The following XYLT1 variants were observed in gnomAD, a reference collection of about 807,000 sequenced individuals.
XYLT1 encodes beta-D-xylosyltransferase 1.
Under a neutral mutation model 91.3 loss-of-function variants are expected in XYLT1, and 36 were observed. That is an observed-to-expected ratio of 0.39 (90% CI 0.30 to 0.52). XYLT1 has a LOEUF of 0.52. XYLT1 is among the 20% of genes least tolerant of loss of function. The probability of loss-of-function intolerance (pLI) is 0.68; values close to 1 mark genes in which losing one functional copy is unlikely to be tolerated. For synonymous variants in XYLT1, 588 were observed against 532.0 expected, an observed-to-expected ratio of 1.11 and a Z score of -1.45; for missense variants, 1,242 against 1,284.5, an observed-to-expected ratio of 0.97 and a Z score of 0.51.
intron 6 of XYLT1, among the ~76,000 whole-genome samples, chr16:17,157,410 C>T (rs1365763184): frequency 1.3e-5 from 2 of 151,970 alleles, no homozygotes; most frequent in African/African-American, 4.8e-5. Context: ...GAGATGTGGT[C>T]GGGGGCCAGG....
At chr16:17,469,902 T>C (rs1342294385) in intron 1 of XYLT1, among the ~76,000 whole-genome samples, 1 of 152,058 alleles carries the variant, frequency 6.6e-6, no homozygotes, top group Non-Finnish European at 1.5e-5. Context: ...CACCCCGGAC[T>C]GAGTATTGAT....
intron 9 of XYLT1, among the ~76,000 whole-genome samples, chr16:17,133,142 AGAGAAGCCGAGGGATGT>A (rs2030560223): frequency 6.6e-6 from 1 of 152,114 alleles, no homozygotes; most frequent in South Asian, 2.1e-4. Context: ...CTTTACGGAG[AGAGAAGCCGAGGGATGT>A]GAGGAGGTGA....
At chr16:17,437,459 A>C (rs759130583) in intron 1 of XYLT1, among the ~76,000 whole-genome samples, 12 of 152,084 alleles carry the variant, frequency 7.9e-5, no homozygotes, top group Non-Finnish European at 1.6e-4. Context: ...TCTGTACCAA[A>C]TGTTTATTGG....
chr16:17,127,528 G>T, intron 10 of XYLT1, 138 bp downstream of exon 10: 1 of 1,068,648 alleles, frequency 9.4e-7, no homozygotes, highest in Non-Finnish European at 1.3e-6. Flanking sequence ...CCTTCTTCGG[G>T]CACAGGGTTA....
chr16:17,284,255 C>T (rs1290450046), intron 2 of XYLT1, among the ~76,000 whole-genome samples: 1 of 152,202 alleles, frequency 6.6e-6, no homozygotes, highest in Non-Finnish European at 1.5e-5. Context: ...GGAGCAGCTA[C>T]TATTTTTTTA....
At chr16:17,441,606 C>T (rs943613296) in intron 1 of XYLT1, among the ~76,000 whole-genome samples, 2 of 152,154 alleles carry the variant, frequency 1.3e-5, no homozygotes, top group East Asian at 1.9e-4. Flanking sequence ...ACTTTGGACT[C>T]TTGTTTTAAT....
At chr16:17,236,271 G>T (rs2033246546) in intron 3 of XYLT1, among the ~76,000 whole-genome samples, 1 of 152,178 alleles carries the variant, frequency 6.6e-6, no homozygotes. Context: ...CTGGCATCTT[G>T]CTGGCTTTAG....
Position 17,192,507 on chromosome 16 carries a change from G to A in XYLT1, c.1289+5705C>T, listed in dbSNP as rs150504359. Among the ~76,000 whole-genome samples the A allele has an allele frequency of 5.4e-3, 827 of 152,202 alleles. 3 individuals are homozygous for A. The highest frequency in any genetic ancestry group is 0.019 in the African/African-American group (788 of 41,536). On this transcript the variant is annotated intron_variant, in intron 5 of 11. Coordinates refer to ENST00000261381, the MANE Select transcript of XYLT1 (RefSeq NM_022166.4). ...TAGGCCAGGTATAATTCCTTGCCTC[G>A]GTAAATAGAACATACGAATAAAACC...
At chr16:17,426,126 G>A (rs1013384127) in intron 1 of XYLT1, among the ~76,000 whole-genome samples, 1 of 152,276 alleles carries the variant, frequency 6.6e-6, no homozygotes, top group South Asian at 2.1e-4. Context: ...TAGGGACTGA[G>A]GATACCACAT....
At chr16:17,164,876 G>A (rs951640917) in intron 5 of XYLT1, among the ~76,000 whole-genome samples, 9 of 152,194 alleles carry the variant, frequency 5.9e-5, no homozygotes, top group African/African-American at 1.9e-4. Context: ...CCAGGACTGA[G>A]GGAGTTCCCA....
At chr16:17,300,295 C>A (rs150433024) in intron 2 of XYLT1, among the ~76,000 whole-genome samples, 31 of 152,244 alleles carry the variant, frequency 2.0e-4, no homozygotes, top group Non-Finnish European at 3.5e-4. Context: ...TGCATTTAAG[C>A]AAAATGATAT....
intron 1 of XYLT1, among the ~76,000 whole-genome samples, chr16:17,415,682 ACT>A (rs1388278755): frequency 1.3e-5 from 2 of 151,774 alleles, no homozygotes; most frequent in Non-Finnish European, 2.9e-5. Context: ...ACAGAGTGAG[ACT>A]CTGTCTCAAA....
intron 2 of XYLT1, among the ~76,000 whole-genome samples, chr16:17,347,288 A>C (rs1343399646): frequency 6.6e-6 from 1 of 152,140 alleles, no homozygotes; most frequent in Non-Finnish European, 1.5e-5. Flanking sequence ...TACCGGAAGG[A>C]GCTGAAGGCC....
At chr16:17,458,659 C>T (rs2036775673) in intron 1 of XYLT1, among the ~76,000 whole-genome samples, 1 of 152,154 alleles carries the variant, frequency 6.6e-6, no homozygotes, top group African/African-American at 2.4e-5. Flanking sequence ...TTGACCAAAC[C>T]TTGGCCATCT....
intron 3 of XYLT1, among the ~76,000 whole-genome samples, chr16:17,225,152 TACACACAC>T (rs751269290): frequency 8.1e-5 from 12 of 147,498 alleles, no homozygotes; most frequent in East Asian, 2.0e-4. Context: ...ATTCTTATTT[TACACACAC>T]ACACACACAC....
chr16:17,199,845 A>C (rs967138303), intron 4 of XYLT1, among the ~76,000 whole-genome samples: 5 of 152,188 alleles, frequency 3.3e-5, no homozygotes, highest in Non-Finnish European at 7.3e-5. Context: ...TAGCAGCATG[A>C]AAATGGACTA....
At chr16:17,145,986 C>T (rs1405098855) in intron 6 of XYLT1, among the ~76,000 whole-genome samples, 3 of 152,180 alleles carry the variant, frequency 2.0e-5, no homozygotes, top group Admixed American at 1.3e-4. Context: ...CTTCCAGGTC[C>T]TAGGACAGTG....
At chr16:17,192,745 A>G (rs1015020801) in intron 5 of XYLT1, 1 of 151,992 alleles carries the variant, frequency 6.6e-6, no homozygotes, top group African/African-American at 2.4e-5. Context: ...CATGTCCACA[A>G]GTGAATTGGA....
intron 6 of XYLT1, among the ~76,000 whole-genome samples, chr16:17,148,128 G>T (rs923826471): frequency 1.3e-5 from 2 of 152,220 alleles, no homozygotes; most frequent in Non-Finnish European, 2.9e-5. Flanking sequence ...TGTAAGATAA[G>T]CCCCATGACA....
Sources: gnomAD v4.1 joint callset for allele counts (sites outside exome capture counted in the v4.1 genomes callset) on GRCh38, gnomAD v4.1.1 for gene constraint, MANE v1.5 for transcripts, NCBI Gene and HGNC (gene_info 2026-07-23, HGNC 2026-07-21) for gene names.